FUT2: variants seen among roughly 807,000 people sequenced by gnomAD.
FUT2 encodes fucosyltransferase 2 (H blood group).
For synonymous variants in FUT2, 182 were observed against 193.1 expected (o/e 0.94, Z 0.48); for missense variants, 419 against 465.8 (o/e 0.90, Z 0.93).
chr19:48,697,243 G>A (rs1255027365), intron 1 of FUT2, among the ~76,000 whole-genome samples: 1 of 151,580 alleles, frequency 6.6e-6, no homozygotes, highest in Non-Finnish European at 1.5e-5. Context: ...TACTCGGGAG[G>A]CTGAGGCAGG....
rs1023815002 is a variant in FUT2 at position 48,697,993 on chromosome 19, C to CTTTT, written c.-3+1925_-3+1928dup. Among the ~76,000 whole-genome samples the CTTTT allele has an allele frequency of 1.0e-3, 91 of 88,130 alleles. 1 individual carries two copies. Among genetic ancestry groups the CTTTT allele is most frequent in the Non-Finnish European group, 1.3e-3 (61 of 46,886 alleles). 57.8% of individuals were successfully genotyped at this position (88,130 alleles called of 152,430 possible). On this transcript the variant is annotated intron_variant, in intron 1 of 1. Transcript: ENST00000425340. ...ACAGGCATGAGCCACTGCACTGGCTCTTTTTTTTTTTTTTTTTTTTTTTTG... is the reference window on the plus strand; with the variant it reads ...ACAGGCATGAGCCACTGCACTGGCTCTTTTTTTTTTTTTTTTTTTTTTTTTTTTG...
chr19:48,697,617 T>G (rs2032439425), intron 1 of FUT2, among the ~76,000 whole-genome samples: 1 of 152,112 alleles, frequency 6.6e-6, no homozygotes, highest in South Asian at 2.1e-4. Context: ...AATTCTGCTC[T>G]GAATACCAGG....
In FUT2 at chr19:48,702,937, G is replaced by T. The variant is rs765011151; in HGVS notation, c.-2-18G>T. 1.2e-6 allele frequency: 2 copies of T among 1,612,520 alleles called. No individual in the cohort carries two copies. The highest frequency in any genetic ancestry group is 1.7e-6 in the Non-Finnish European group (2 of 1,179,948). On this transcript the variant is annotated intron_variant, in intron 1 of 1. Coordinates refer to ENST00000425340, the MANE Select transcript of FUT2 (RefSeq NM_000511.6). ...CTCCATCTCCCAGCTAACGTGTCCC[G>T]TTTTCCTCCCCTGACAGCCATGCTG...
At position 48,702,927 on chromosome 19, in the gene FUT2, A is replaced by G. The variant is rs1449553214; in HGVS notation, c.-2-28A>G. 4 of 1,611,362 alleles carry G rather than the reference A, an allele frequency of 2.5e-6. No homozygotes were observed. In the South Asian group the frequency reaches 3.3e-5, roughly 13 times the overall value. The stretch of plus-strand genomic sequence containing the variant: ...CGCCCCGGGCCTCCATCTCCCAGCT[A>G]ACGTGTCCCGTTTTCCTCCCCTGAC... On this transcript the variant is annotated intron_variant, in intron 1 of 1. Transcript: ENST00000425340.
At chr19:48,702,797 C>T (rs925326157) in intron 1 of FUT2, among the ~76,000 whole-genome samples, 158 bp from the exon 2 acceptor site, 3 of 152,034 alleles carry the variant, frequency 2.0e-5, no homozygotes, top group Admixed American at 6.5e-5. Context: ...GAGATACATG[C>T]CTGTGCACAT....
Position 48,704,805 on chromosome 19 carries a change from A to C in FUT2, c.*817A>C, listed in dbSNP as rs1416745534. On this transcript the variant is annotated 3_prime_UTR_variant, in exon 2 of 2. Coordinates refer to ENST00000425340, the MANE Select transcript of FUT2 (RefSeq NM_000511.6). ...ATACCCATGTGACCCGATAGGAGGC[A>C]AAAGAAATGAGACTTCTGGGATTAG... 7.3e-6 allele frequency: 3 copies of C among 413,270 alleles called. No homozygotes were observed. The highest frequency in any genetic ancestry group is 6.2e-5 in the African/African-American group (3 of 48,632). The allele number at this position is 413,270 out of a possible 1,614,324, so 25.6% of individuals were successfully genotyped here.
chr19:48,703,360 A>G lies in FUT2; in HGVS notation c.404A>G (p.Glu135Gly). ...TACCACCTGAACGACTGGATGGAGG[A>G]GGAATACCGCCACATCCCGGGGGAG... is the stretch of plus-strand genomic sequence containing the variant. ...QNYHLNDWME[E>G]EYRHIPGEYV... The change falls in exon 2 of 2, where the codon GAG (glutamate) becomes GGG (glycine). Residue 135 changes from glutamate to glycine, a missense_variant. Coordinates refer to ENST00000425340, the MANE Select transcript of FUT2 (RefSeq NM_000511.6). The G allele has an allele frequency of 6.2e-7, 1 of 1,612,902 alleles. No homozygotes were observed. Among genetic ancestry groups the G allele is most frequent in the Non-Finnish European group, 8.5e-7 (1 of 1,179,944 alleles).
chr19:48,703,401 G>A lies in FUT2; in HGVS notation c.445G>A (p.Gly149Ser), dbSNP rs200543547. 154 of 1,612,974 alleles carry A rather than the reference G, an allele frequency of 9.5e-5. 4 individuals are homozygous for A. In the Admixed American group the frequency reaches 1.3e-3, roughly 14 times the overall value. The part of the protein sequence containing the change: ...HIPGEYVRFT[G>S]YPCSWTFYHH... ...CCCGGGGGAGTACGTCCGCTTCACC[G>A]GCTACCCCTGCTCCTGGACCTTCTA... Residue 149 changes from glycine (G) to serine (S), a missense_variant, in exon 2 of 2, where the codon GGC becomes AGC. By Grantham distance (56) the Gly-to-Ser change is moderately conservative (BLOSUM62 0). Coordinates refer to ENST00000425340, the MANE Select transcript of FUT2 (RefSeq NM_000511.6).
chr19:48,700,328 A>ATT (rs147094599), intron 1 of FUT2, among the ~76,000 whole-genome samples: 6 of 110,652 alleles, frequency 5.4e-5, no homozygotes, highest in African/African-American at 1.2e-4. Flanking sequence ...CATTTATTTT[A>ATT]TTTTATTTTT....
rs571082951 is a variant in FUT2, at chr19:48,703,334, C to T, written c.378C>T (p.Asn126=). 4 of 1,613,042 alleles carry T rather than the reference C, an allele frequency of 2.5e-6. No homozygotes were observed. In the African/African-American group the frequency reaches 4.0e-5, roughly 16 times the overall value. ...CGGCCAGCAGGATCCCCTGGCAGAA[C>T]TACCACCTGAACGACTGGATGGAGG... ...SATASRIPWQ[N]YHLNDWMEEE... is the part of the protein sequence containing the mutation. Residue 126 remains asparagine, a synonymous_variant, in exon 2 of 2, where the codon AAC becomes AAT. Coordinates refer to ENST00000425340, the MANE Select transcript of FUT2 (RefSeq NM_000511.6).
At position 48,704,283 on chromosome 19, in the gene FUT2, G is replaced by A. The variant is rs189504139; in HGVS notation, c.*295G>A. ...CTAAAAATACAAAAATTAGCCAGGC[G>A]TGGTGGTGCACACCTGTAATCCCAG... On this transcript the variant is annotated 3_prime_UTR_variant, in exon 2 of 2. Transcript: ENST00000425340. 33 of 445,332 alleles carry A rather than the reference G, an allele frequency of 7.4e-5. No individual in the cohort carries two copies. In the Admixed American group the frequency reaches 7.9e-4, roughly 11 times the overall value. The allele number at this position is 445,332 out of a possible 1,614,324, so 27.6% of individuals were successfully genotyped here.
Position 48,703,414 on chromosome 19 carries a change from CCTGGACCTT to C in FUT2, c.461_469del (p.Trp154_Phe156del). Reference sequence around the variant, plus strand: ...GTCCGCTTCACCGGCTACCCCTGCTCCTGGACCTTCTACCACCACCTCCGCCAGGAGATC... The same window carrying C: ...GTCCGCTTCACCGGCTACCCCTGCTCCTACCACCACCTCCGCCAGGAGATC... On this transcript the variant is annotated inframe_deletion, in exon 2 of 2. Transcript: ENST00000425340. 6.2e-7 allele frequency: 1 copy of C among 1,613,008 alleles called. No individual in the cohort carries two copies. The highest frequency in any genetic ancestry group is 8.5e-7 in the Non-Finnish European group (1 of 1,179,968).
intron 1 of FUT2, among the ~76,000 whole-genome samples, chr19:48,697,218 G>A (rs957718193): frequency 6.6e-6 from 1 of 151,884 alleles, no homozygotes; most frequent in Non-Finnish European, 1.5e-5. Context: ...GGTGGTGCAT[G>A]CCTGTAATCC....
chr19:48,704,202 A>C lies in FUT2; in HGVS notation c.*214A>C, dbSNP rs2032590951. 1.3e-5 allele frequency: 8 copies of C among 609,694 alleles called. No homozygotes were observed. The highest frequency in any genetic ancestry group is 3.0e-6 in the Non-Finnish European group (1 of 329,902). 37.8% of individuals were successfully genotyped at this position (609,694 alleles called of 1,614,324 possible). A position where few individuals can be genotyped will look rare whatever the true frequency, so the allele number is the denominator to read the frequency against. On this transcript the variant is annotated 3_prime_UTR_variant, in exon 2 of 2. Coordinates refer to ENST00000425340, the MANE Select transcript of FUT2 (RefSeq NM_000511.6). ...TTTGTGAGGCCAGGGTGGGTGGATC[A>C]CTTGAGGTCAGGAGTTCAAGACTAG...
intron 1 of FUT2, 73 bp from the exon 2 acceptor site, chr19:48,702,882 C>T (rs530591419): frequency 1.5e-4 from 216 of 1,412,008 alleles, no homozygotes; most frequent in Non-Finnish European, 1.9e-4. Flanking sequence ...TGCACACCAC[C>T]GCATGGCCAC....
intron 1 of FUT2, among the ~76,000 whole-genome samples, chr19:48,700,084 C>T (rs374904549): frequency 2.3e-5 from 3 of 133,134 alleles, no homozygotes; most frequent in East Asian, 5.1e-4. Context: ...ACCCAGGAGG[C>T]GGAGGTTGCA....
At chr19:48,702,834 C>G in intron 1 of FUT2, 121 bp from the exon 2 acceptor site, 1 of 925,108 alleles carries the variant, frequency 1.1e-6, no homozygotes, top group South Asian at 1.3e-5. Flanking sequence ...AGTATTTACA[C>G]ACCTGAAGTA....
chr19:48,696,295 C>A, intron 1 of FUT2: 1 of 152,554 alleles, frequency 6.6e-6, no homozygotes, highest in Non-Finnish European at 1.5e-5. Flanking sequence ...CCCTCCTTAG[C>A]TCCCTCCCCA....
Position 48,703,671 on chromosome 19 carries a change from T to C in FUT2, c.715T>C (p.Phe239Leu). 6.2e-7 allele frequency: 1 copy of C among 1,613,670 alleles called. No homozygotes were observed. The stretch of plus-strand genomic sequence containing the variant: ...CCGAGCTCGCTACAGCTCCCTCATC[T>C]TCGTGGTCACCAGTAATGGCATGGC... The part of the protein sequence containing the change: ...WFRARYSSLI[F>L]VVTSNGMAWC... The change falls in exon 2 of 2, where the codon TTC (phenylalanine) becomes CTC (leucine). Residue 239 changes from phenylalanine (F) to leucine (L), a missense_variant. Physicochemically the swap from Phe to Leu is conservative, Grantham distance 22. Coordinates refer to ENST00000425340, the MANE Select transcript of FUT2 (RefSeq NM_000511.6).
Sources: gnomAD v4.1 joint callset for allele counts (sites outside exome capture counted in the v4.1 genomes callset) on GRCh38, gnomAD v4.1.1 for gene constraint, MANE v1.5 for transcripts, NCBI Gene and HGNC (gene_info 2026-07-23, HGNC 2026-07-21) for gene names.